The following NRDC variants were observed in gnomAD, a reference collection of about 807,000 sequenced individuals.
NRDC encodes nardilysin.
Under a neutral mutation model 147.1 loss-of-function variants are expected in NRDC, and 54 were observed. The ratio of observed to expected loss-of-function variants is 0.37; its 90% CI spans 0.29 to 0.46. The LOEUF (loss-of-function observed/expected upper bound fraction) is 0.46. NRDC is among the 20% of genes least tolerant of loss of function. The pLI is 1.00. For missense variants in NRDC, 1,082 were observed against 1,370.6 expected (o/e 0.79, Z 3.33); for synonymous variants, 440 against 482.1 (o/e 0.91, Z 1.14).
At chr1:51,850,375 T>G (rs2149234265) in intron 1 of NRDC, among the ~76,000 whole-genome samples, 1 of 152,182 alleles carries the variant, frequency 6.6e-6, no homozygotes, top group African/African-American at 2.4e-5. Flanking sequence ...GGCTACTCAT[T>G]TAGTGAGGAA....
chr1:51,840,122 A>G lies in NRDC; in HGVS notation c.630+104T>C, dbSNP rs552538688. ...ACAGAATAGACCTTTACTGAAGACC[A>G]AAAGATAACTATATACTTCCTTTTT... On this transcript the variant is annotated intron_variant, in intron 2 of 30. Coordinates refer to ENST00000352171, the MANE Select transcript of NRDC (RefSeq NM_001101662.2). 1.9e-5 allele frequency: 17 copies of G among 913,936 alleles called. No homozygotes were observed. The African/African-American group carries it at 2.2e-4, about 12-fold the overall frequency. The allele number at this position is 913,936 out of a possible 1,614,324, so 56.6% of individuals were successfully genotyped here. A position where few individuals can be genotyped will look rare whatever the true frequency, so the allele number is the denominator to read the frequency against.
chr1:51,833,168 GTTT>G (rs1358579626), intron 4 of NRDC, among the ~76,000 whole-genome samples: 1 of 151,998 alleles, frequency 6.6e-6, no homozygotes, highest in Admixed American at 6.6e-5. Context: ...ACTAAATTCT[GTTT>G]TTTAAGTGGC....
rs141394966 is a variant in NRDC at position 51,846,647 on chromosome 1, G to A, written c.342-6133C>T. On this transcript the variant is annotated intron_variant, in intron 1 of 30. Transcript: ENST00000352171. ...AGGAGTGAAGCTGCAGACCTTCAGG[G>A]TGAGTGTTATAGCTCATAAAGGTAG... Among the ~76,000 whole-genome samples, 74 of 152,322 alleles carry A rather than the reference G, an allele frequency of 4.9e-4. No individual in the cohort carries two copies. The East Asian group carries it at 8.7e-3, about 18-fold the overall frequency.
intron 1 of NRDC, among the ~76,000 whole-genome samples, chr1:51,848,509 C>A (rs1033020459): frequency 2.0e-5 from 3 of 151,842 alleles, no homozygotes; most frequent in Non-Finnish European, 4.4e-5. Context: ...TAATAAGGTA[C>A]AAATATCGAA....
At chr1:51,846,983 A>G (rs974262427) in intron 1 of NRDC, among the ~76,000 whole-genome samples, 1 of 152,142 alleles carries the variant, frequency 6.6e-6, no homozygotes. Flanking sequence ...TGAGCTAGAC[A>G]CAGAGTGCTG....
intron 1 of NRDC, among the ~76,000 whole-genome samples, chr1:51,851,251 G>T (rs1249947115): frequency 6.6e-6 from 1 of 152,088 alleles, no homozygotes; most frequent in Non-Finnish European, 1.5e-5. Flanking sequence ...ATCCAGCCTT[G>T]CTTCAGCAAG....
In NRDC at chr1:51,812,281, G is replaced by A. The variant is rs369707971; in HGVS notation, c.1675-183C>T. On this transcript the variant is annotated intron_variant, in intron 14 of 30. Transcript: ENST00000352171. ...CAGTAGGCTGGACATAGTGGCTCACGCCTGTAATCCCAGCATTTGGGAGAC... is the reference window on the plus strand; with the variant it reads ...CAGTAGGCTGGACATAGTGGCTCACACCTGTAATCCCAGCATTTGGGAGAC... Among the ~76,000 whole-genome samples the A allele has an allele frequency of 1.4e-4, 22 of 152,270 alleles. No individual in the cohort carries two copies. The South Asian group carries it at 2.7e-3, about 19-fold the overall frequency.
At chr1:51,801,796 T>C (rs1396124936) in intron 20 of NRDC, among the ~76,000 whole-genome samples, 1 of 151,298 alleles carries the variant, frequency 6.6e-6, no homozygotes, top group Non-Finnish European at 1.5e-5. Context: ...GTTTTTTGAT[T>C]TTTTTTTTGA....
intron 28 of NRDC, 100 bp from the exon 29 acceptor site, chr1:51,790,749 G>A: frequency 1.0e-6 from 1 of 990,506 alleles, no homozygotes; most frequent in Non-Finnish European, 1.6e-6. Context: ...GGACATGCCA[G>A]TATAAGAGGC....
In NRDC at chr1:51,790,596, C is replaced by T. The variant is rs1399666453; in HGVS notation, c.3105G>A (p.Glu1035=). The T allele has an allele frequency of 6.2e-7, 1 of 1,614,082 alleles. No homozygotes were observed. The highest frequency in any genetic ancestry group is 1.1e-5 in the South Asian group (1 of 91,078). Residue 1035 remains glutamate, a synonymous_variant, in exon 29 of 31, where the codon GAG becomes GAA. Transcript: ENST00000352171. The stretch of plus-strand genomic sequence containing the variant: ...CCACTTCATTCCAGTTCCTATCCAC[C>T]TCCTCCCCAAGGTGGGTATCCTCAC... ...KECEDTHLGE[E]VDRNWNEVVT... is the part of the protein sequence containing the mutation.
At chr1:51,858,635 C>T (rs188524638) in intron 1 of NRDC, among the ~76,000 whole-genome samples, 2 of 152,260 alleles carry the variant, frequency 1.3e-5, no homozygotes, top group East Asian at 3.9e-4. Flanking sequence ...GTAAAGCAGA[C>T]TTGCTTCTTT....
At chr1:51,821,823 C>A (rs936308825) in intron 7 of NRDC, among the ~76,000 whole-genome samples, 1 of 152,090 alleles carries the variant, frequency 6.6e-6, no homozygotes, top group African/African-American at 2.4e-5. Context: ...AAAAATATAT[C>A]TTTAGCATTA....
At chr1:51,852,186 T>A (rs989063109) in intron 1 of NRDC, among the ~76,000 whole-genome samples, 2 of 152,142 alleles carry the variant, frequency 1.3e-5, no homozygotes, top group Non-Finnish European at 2.9e-5. Flanking sequence ...GCTCTGAATC[T>A]TGTGAAAACT....
intron 1 of NRDC, among the ~76,000 whole-genome samples, chr1:51,873,133 TATC>T (rs905862084): frequency 1.3e-5 from 2 of 152,132 alleles, no homozygotes; most frequent in African/African-American, 4.8e-5. Context: ...TCATTGTAAA[TATC>T]AACAAATAAA....
chr1:51,875,616 T>C (rs1428006318), intron 1 of NRDC, among the ~76,000 whole-genome samples: 1 of 150,554 alleles, frequency 6.6e-6, no homozygotes, highest in Non-Finnish European at 1.5e-5. Flanking sequence ...TGGAGTGCAG[T>C]GGCACGATCA....
chr1:51,854,887 T>C (rs7526552), intron 1 of NRDC, among the ~76,000 whole-genome samples: 70,902 of 152,128 alleles, frequency 0.47, 17,745 homozygotes, highest in East Asian at 0.84. Context: ...CAAAAGGATC[T>C]GCCAGCACAG....
At chr1:51,878,232 C>G (rs750541324) in intron 1 of NRDC, 43 bp downstream of exon 1, 4 of 1,563,466 alleles carry the variant, frequency 2.6e-6, no homozygotes, top group African/African-American at 2.7e-5. Context: ...GACAGAGAAG[C>G]CGGCACACTG....
chr1:51,805,576 A>T lies in NRDC; in HGVS notation c.2111-15T>A. On this transcript the variant is annotated splice_polypyrimidine_tract_variant and intron_variant, in intron 18 of 30. Transcript: ENST00000352171. ...ACGTATATATGCTAAAAGAAAAAAG[A>T]CCATAGATAAAAAAGGTTAGGGGCC... is the stretch of plus-strand genomic sequence containing the variant. The T allele has an allele frequency of 4.5e-6, 7 of 1,545,492 alleles. No individual in the cohort carries two copies. Among genetic ancestry groups the T allele is most frequent in the Non-Finnish European group, 6.1e-6 (7 of 1,144,318 alleles).
At chr1:51,792,205 G>C in intron 25 of NRDC, 107 bp from the exon 26 acceptor site, 1 of 1,465,932 alleles carries the variant, frequency 6.8e-7, no homozygotes, top group Non-Finnish European at 9.5e-7. Context: ...CTCCCTTAGT[G>C]CCTTTTTCCT....
Sources: allele counts gnomAD v4.1 joint callset (sites outside exome capture counted in the v4.1 genomes callset), GRCh38; gene constraint gnomAD v4.1.1; transcripts MANE v1.5; gene names NCBI Gene and HGNC (gene_info 2026-07-23, HGNC 2026-07-21).